Variants in DAB1 observed in about 807,000 individuals in gnomAD.
DAB1 encodes the protein disabled homolog 1.
A neutral mutation model predicts 64.6 loss-of-function variants in DAB1; 15 were observed. The ratio of observed to expected loss-of-function variants is 0.23; its 90% CI spans 0.16 to 0.36. The LOEUF is 0.36. Ranked by LOEUF, DAB1 falls within the 10% of genes least tolerant of loss-of-function variation. The pLI is 1.00. For missense variants in DAB1, 596 were observed against 706.7 expected (o/e 0.84, Z 1.78); for synonymous variants, 235 against 251.9 (o/e 0.93, Z 0.64).
At chr1:58,534,598 C>A (rs752307788) in intron 1 of DAB1, among the ~76,000 whole-genome samples, 1 of 152,100 alleles carries the variant, frequency 6.6e-6, no homozygotes. Context: ...AAACTACAAA[C>A]GAATACTTAA....
intron 4 of DAB1, among the ~76,000 whole-genome samples, chr1:57,105,433 T>A (rs1655056122): frequency 6.6e-6 from 1 of 152,114 alleles, no homozygotes; most frequent in Admixed American, 6.6e-5. Flanking sequence ...CCCCTGTTGT[T>A]TGCTGCTCCA....
chr1:57,158,407 C>G (rs1246682845), intron 2 of DAB1, among the ~76,000 whole-genome samples: 1 of 152,168 alleles, frequency 6.6e-6, no homozygotes, highest in East Asian at 1.9e-4. Flanking sequence ...ATTATTAACA[C>G]AGAGAGATTC....
chr1:57,313,606 ATGT>A (rs1674927453), intron 1 of DAB1, among the ~76,000 whole-genome samples: 1 of 152,182 alleles, frequency 6.6e-6, no homozygotes. Flanking sequence ...GCCACTCAAG[ATGT>A]TGTTAGGGTG....
At chr1:57,346,897 G>T (rs1463135697) in intron 1 of DAB1, among the ~76,000 whole-genome samples, 2 of 152,294 alleles carry the variant, frequency 1.3e-5, no homozygotes, top group Middle Eastern at 3.4e-3. Flanking sequence ...AGCATTTACT[G>T]TGTACCTATG....
chr1:57,443,416 T>C (rs1358801969), intron 7 of DAB1, among the ~76,000 whole-genome samples: 1 of 152,240 alleles, frequency 6.6e-6, no homozygotes, highest in Non-Finnish European at 1.5e-5. Flanking sequence ...CCTTGCTCCC[T>C]GAACATACCA....
chr1:57,439,746 T>C lies in DAB1; in HGVS notation n.626-148580A>G, dbSNP rs115625101. 8.8e-3 allele frequency among the ~76,000 whole-genome samples: 1,336 copies of C among 152,074 alleles called. 23 individuals carry two copies. The highest frequency in any genetic ancestry group is 0.031 in the African/African-American group (1,276 of 41,448). ...CCGGCCAGTGATGAGGTTTTAAAGA[T>C]GTAATGAAGTTGTGAATGAGAAACA... On this transcript the variant is annotated intron_variant and non_coding_transcript_variant, in intron 7 of 20. Transcript: ENST00000485760.
chr1:57,344,914 C>T (rs2100840766), intron 1 of DAB1, among the ~76,000 whole-genome samples: 1 of 152,260 alleles, frequency 6.6e-6, no homozygotes, highest in East Asian at 1.9e-4. Flanking sequence ...AATACCTTGG[C>T]TTGGTGCCTC....
chr1:58,491,407 C>A (rs1221051165), intron 3 of DAB1, among the ~76,000 whole-genome samples: 1 of 152,248 alleles, frequency 6.6e-6, no homozygotes, highest in South Asian at 2.1e-4. Flanking sequence ...CAAATTCACA[C>A]ATAACAATAT....
chr1:57,247,442 G>T (rs1397698687), intron 2 of DAB1, among the ~76,000 whole-genome samples: 1 of 152,150 alleles, frequency 6.6e-6, no homozygotes, highest in East Asian at 1.9e-4. Flanking sequence ...GATGCTTCCT[G>T]TTAAGTCTGT....
chr1:57,959,915 T>C (rs1645477684), intron 5 of DAB1, among the ~76,000 whole-genome samples: 1 of 152,218 alleles, frequency 6.6e-6, no homozygotes, highest in Admixed American at 6.5e-5. Context: ...GGCTTCTTTA[T>C]AAACAGTTTT....
intron 7 of DAB1, among the ~76,000 whole-genome samples, chr1:57,602,827 T>G (rs1176467124): frequency 6.6e-6 from 1 of 152,070 alleles, no homozygotes; most frequent in African/African-American, 2.4e-5. Context: ...CCCAGAGCAC[T>G]GAGGGCAGAG....
At chr1:58,543,504 A>G (rs60739996) in intron 1 of DAB1, among the ~76,000 whole-genome samples, 3,757 of 152,126 alleles carry the variant, frequency 0.025, 144 homozygotes, top group African/African-American at 0.085. Flanking sequence ...TATGGTGTTG[A>G]TCACTACCCA....
chr1:57,413,009 G>T (rs900842715), intron 1 of DAB1, among the ~76,000 whole-genome samples: 2 of 152,168 alleles, frequency 1.3e-5, no homozygotes, highest in African/African-American at 2.4e-5. Flanking sequence ...CTATCGTTAG[G>T]GGTGAATGCA....
chr1:58,301,284 G>GA (rs1662164693), intron 4 of DAB1, among the ~76,000 whole-genome samples: 1 of 152,016 alleles, frequency 6.6e-6, no homozygotes, highest in Non-Finnish European at 1.5e-5. Flanking sequence ...AAGTTCTGCG[G>GA]AAAGCACTAA....
chr1:58,383,725 C>T (rs1245325284), intron 3 of DAB1, among the ~76,000 whole-genome samples: 1 of 152,060 alleles, frequency 6.6e-6, no homozygotes, highest in Non-Finnish European at 1.5e-5. Flanking sequence ...CTAAGGCTTC[C>T]CTGACCCTAT....
At chr1:57,750,821 C>T (rs1648515053) in intron 6 of DAB1, among the ~76,000 whole-genome samples, 2 of 152,168 alleles carry the variant, frequency 1.3e-5, no homozygotes, top group African/African-American at 4.8e-5. Flanking sequence ...ATCTTTGTAT[C>T]TGTACCGCCT....
intron 7 of DAB1, among the ~76,000 whole-genome samples, chr1:57,519,163 A>G (rs1644496848): frequency 6.6e-6 from 1 of 152,222 alleles, no homozygotes; most frequent in Admixed American, 6.5e-5. Flanking sequence ...AACTAGTGCC[A>G]GCCTCTGTTC....
chr1:57,833,770 G>A (rs1652692563), intron 1 of DAB1, among the ~76,000 whole-genome samples: 1 of 152,116 alleles, frequency 6.6e-6, no homozygotes, highest in Admixed American at 6.5e-5. Context: ...AACATCATTT[G>A]GCATGGATGA....
chr1:58,122,344 G>C (rs944109018), intron 5 of DAB1, among the ~76,000 whole-genome samples: 2 of 152,136 alleles, frequency 1.3e-5, no homozygotes, highest in South Asian at 4.2e-4. Flanking sequence ...CTGCTAATTT[G>C]CTGTCTCAAA....
Sources: allele counts gnomAD v4.1 joint callset (sites outside exome capture counted in the v4.1 genomes callset), GRCh38; gene constraint gnomAD v4.1.1; transcripts MANE v1.5; gene names NCBI Gene and HGNC (gene_info 2026-07-23, HGNC 2026-07-21).